Variants in CACNA1I observed in about 807,000 individuals in gnomAD.
CACNA1I encodes the protein voltage-dependent T-type calcium channel subunit alpha-1I.
CACNA1I carries 74 observed loss-of-function variants against 201.6 expected under a neutral mutation model. That is an observed-to-expected ratio of 0.37 (90% confidence interval 0.30 to 0.45). The LOEUF is 0.45. Ranked by LOEUF, CACNA1I falls within the 20% of genes least tolerant of loss-of-function variation. CACNA1I has a pLI of 1.00. For synonymous variants in CACNA1I, 1,431 were observed against 1,345.2 expected, an observed-to-expected ratio of 1.06 and a Z score of -1.40; for missense variants, 2,346 against 3,138.1, an observed-to-expected ratio of 0.75 and a Z score of 6.03.
intron 1 of CACNA1I, among the ~76,000 whole-genome samples, chr22:39,572,465 G>A (rs1193553294): frequency 6.6e-6 from 1 of 152,092 alleles, no homozygotes; most frequent in African/African-American, 2.4e-5. Context: ...CTTCCCTTCT[G>A]TAGGGGGCTG....
In CACNA1I at chr22:39,649,477, A is replaced by G; in HGVS notation, c.1568-24A>G. ...TGGGCCTGGTGTGGGCAACGACTCT[A>G]TGCCCCTCTCATTTGCTTTTCAGAG... On this transcript the variant is annotated intron_variant, in intron 9 of 36. Coordinates refer to ENST00000402142, the MANE Select transcript of CACNA1I (RefSeq NM_021096.4). This position sits in a 1 kb window ranked among gnomAD's most constrained non-coding sequence, Gnocchi z 7.3. 6.5e-7 allele frequency: 1 copy of G among 1,546,106 alleles called. No individual in the cohort carries two copies. Among genetic ancestry groups the G allele is most frequent in the Non-Finnish European group, 8.7e-7 (1 of 1,145,676 alleles).
chr22:39,677,849 A>G lies in CACNA1I; in HGVS notation c.4934-138A>G. The G allele has an allele frequency of 1.0e-6, 1 of 967,906 alleles. No individual in the cohort carries two copies. The highest frequency in any genetic ancestry group is 1.5e-6 in the Non-Finnish European group (1 of 674,280). 60.0% of individuals were successfully genotyped at this position (967,906 alleles called of 1,614,324 possible). A position where few individuals can be genotyped will look rare whatever the true frequency, so the allele number is the denominator to read the frequency against. On this transcript the variant is annotated intron_variant, in intron 30 of 36. Coordinates refer to ENST00000402142, the MANE Select transcript of CACNA1I (RefSeq NM_021096.4). This position sits in a 1 kb window ranked among gnomAD's most constrained non-coding sequence, Gnocchi z 4.8. The stretch of plus-strand genomic sequence containing the variant: ...GTGCCATCTCCCCGAGCCTCAGTTT[A>G]TCTGTGGGCTGGGCACAGTCTGCAG...
At chr22:39,683,586 T>G (rs994081541) in intron 35 of CACNA1I, among the ~76,000 whole-genome samples, 2 of 152,198 alleles carry the variant, frequency 1.3e-5, no homozygotes, top group Non-Finnish European at 2.9e-5. Context: ...TGGTATGGCA[T>G]AGGAACCCCA....
chr22:39,571,373 G>A (rs987404444), intron 1 of CACNA1I, among the ~76,000 whole-genome samples: 5 of 151,804 alleles, frequency 3.3e-5, no homozygotes, highest in African/African-American at 4.8e-5. Flanking sequence ...AACTGTGGGC[G>A]TGGGCAGCGG....
intron 5 of CACNA1I, among the ~76,000 whole-genome samples, chr22:39,635,675 C>G (rs1283859106): frequency 6.6e-6 from 1 of 151,960 alleles, no homozygotes; most frequent in Admixed American, 6.6e-5. Context: ...ACACTTGTGC[C>G]CATCCCCAGA....
intron 4 of CACNA1I, among the ~76,000 whole-genome samples, chr22:39,624,725 G>A (rs1933851054): frequency 6.6e-6 from 1 of 152,186 alleles, no homozygotes; most frequent in African/African-American, 2.4e-5. Context: ...CAGGTCCCCT[G>A]CCCAGAGCCA....
At chr22:39,624,559 A>T (rs947431499) in intron 4 of CACNA1I, among the ~76,000 whole-genome samples, 4 of 152,196 alleles carry the variant, frequency 2.6e-5, no homozygotes, top group Non-Finnish European at 4.4e-5. Context: ...AGTTACTGGG[A>T]GCACTGGCCC....
At chr22:39,616,255 G>A (rs1194608402) in intron 3 of CACNA1I, among the ~76,000 whole-genome samples, 1 of 152,190 alleles carries the variant, frequency 6.6e-6, no homozygotes, top group Admixed American at 6.5e-5. Flanking sequence ...GCGGATGGCG[G>A]GGAGGTTGCC....
intron 10 of CACNA1I, among the ~76,000 whole-genome samples, chr22:39,652,196 A>G (rs942988982): frequency 2.0e-5 from 3 of 152,182 alleles, no homozygotes; most frequent in African/African-American, 4.8e-5. Context: ...GGGTTTCGCC[A>G]TGTTGGCCAG....
At chr22:39,620,129 G>GTCCA (rs1169891568) in intron 4 of CACNA1I, among the ~76,000 whole-genome samples, 34 of 89,748 alleles carry the variant, frequency 3.8e-4, no homozygotes, top group Non-Finnish European at 6.1e-4. Context: ...CCATCCACCT[G>GTCCA]TCCATCCATC....
intron 35 of CACNA1I, 123 bp downstream of exon 35, chr22:39,682,784 AC>A: frequency 1.3e-6 from 1 of 765,962 alleles, no homozygotes; most frequent in Non-Finnish European, 2.0e-6. Flanking sequence ...TCCAGAAAGA[AC>A]CAGATGGATA....
rs562934329 is a variant in CACNA1I at position 39,649,981 on chromosome 22, C to A, written c.1992+56C>A. The A allele has an allele frequency of 3.0e-4, 473 of 1,556,468 alleles. 1 individual carries two copies. In the Middle Eastern group the frequency reaches 6.0e-3, roughly 20 times the overall value. On this transcript the variant is annotated intron_variant, in intron 10 of 36. Transcript: ENST00000402142. The surrounding 1 kb of genome is among the most constrained non-coding windows in gnomAD (Gnocchi z 7.3). ...GGGAGAGGTGTGAGGGCCCCAGGAC[C>A]CTGCCCAGGCCTGGGCAGCCCCATC...
intron 31 of CACNA1I, among the ~76,000 whole-genome samples, 188 bp from the exon 32 acceptor site, chr22:39,678,919 G>A (rs1216072486): frequency 2.0e-5 from 3 of 152,170 alleles, no homozygotes; most frequent in East Asian, 1.9e-4. Context: ...CTGTCCATGC[G>A]GGGACTTAGC....
Position 39,680,938 on chromosome 22 carries a change from G to T in CACNA1I, c.5550G>T (p.Leu1850=), listed in dbSNP as rs776937193. The T allele has an allele frequency of 1.2e-6, 2 of 1,610,338 alleles. No individual in the cohort carries two copies. The highest frequency in any genetic ancestry group is 2.2e-5 in the East Asian group (1 of 44,832). The part of the protein sequence containing the change: ...KCHHDKQEVQ[L]AETEAFSLNS... ...ACCCCCTCTTCCTGCAGGTGCAGCT[G>T]GCTGAGACGGAGGCCTTCTCCCTGA... Residue 1850 remains leucine, a synonymous_variant, in exon 34 of 37, where the codon CTG becomes CTT. Transcript: ENST00000402142.
intron 3 of CACNA1I, among the ~76,000 whole-genome samples, chr22:39,617,135 C>T (rs1426460168): frequency 6.6e-6 from 1 of 152,196 alleles, no homozygotes; most frequent in Non-Finnish European, 1.5e-5. Context: ...GAGAACAGTG[C>T]CCGGCACCCA....
At chr22:39,622,601 G>C (rs60581243) in intron 4 of CACNA1I, among the ~76,000 whole-genome samples, 3 of 150,386 alleles carry the variant, frequency 2.0e-5, no homozygotes, top group African/African-American at 5.0e-5. Context: ...TGCGGTGTGG[G>C]GGGGGCGGTG....
rs780265202 is a variant in CACNA1I, at chr22:39,664,041, C to T, written c.3598-50C>T. The T allele has an allele frequency of 5.9e-5, 94 of 1,580,732 alleles. 1 individual carries two copies. The East Asian group carries it at 9.6e-4, about 16-fold the overall frequency. On this transcript the variant is annotated intron_variant, in intron 19 of 36. Transcript: ENST00000402142. Reference sequence around the variant, plus strand: ...GCCAAAGCAGCGGCTGGCCAGTGGCCGGGCAGCTCTGGGAGCCCCTGAGCC... The same window carrying T: ...GCCAAAGCAGCGGCTGGCCAGTGGCTGGGCAGCTCTGGGAGCCCCTGAGCC...
chr22:39,663,144 G>A lies in CACNA1I; in HGVS notation c.3473+268G>A, dbSNP rs117956704. 3.9e-3 allele frequency among the ~76,000 whole-genome samples: 600 copies of A among 152,314 alleles called. 2 individuals are homozygous for A. The highest frequency in any genetic ancestry group is 6.5e-3 in the Non-Finnish European group (441 of 68,018). On this transcript the variant is annotated intron_variant, in intron 18 of 36. Transcript: ENST00000402142. ...TCCCTGGGGATCAGGGTTCCCTCTG[G>A]GGCTAGGCGAGGACTTTAGGCAAGA...
intron 31 of CACNA1I, 67 bp from the exon 32 acceptor site, chr22:39,679,040 G>A: frequency 7.7e-7 from 1 of 1,290,452 alleles, no homozygotes. Flanking sequence ...GCCCTGGGCT[G>A]GCCTCTGCCT....
Sources: gnomAD v4.1 joint callset for allele counts (sites outside exome capture counted in the v4.1 genomes callset) on GRCh38, gnomAD v4.1.1 for gene constraint, Gnocchi (gnomAD v3.1) non-coding constraint, MANE v1.5 for transcripts, NCBI Gene and HGNC (gene_info 2026-07-23, HGNC 2026-07-21) for gene names.